The following HNRNPA1 variants were observed in gnomAD, a reference collection of about 807,000 sequenced individuals.
HNRNPA1 encodes the protein heterogeneous nuclear ribonucleoprotein A1, also known as epididymis secretory sperm binding protein.
HNRNPA1 carries 7 observed loss-of-function variants against 44.4 expected under a neutral mutation model. That is an observed-to-expected ratio of 0.16 (90% confidence interval 0.09 to 0.30). HNRNPA1 has a LOEUF of 0.30. HNRNPA1 is among the 10% of genes least tolerant of loss of function. The pLI, the probability that HNRNPA1 is intolerant of heterozygous loss-of-function variation, is 1.00. For synonymous variants in HNRNPA1, 169 were observed against 160.6 expected, an observed-to-expected ratio of 1.05 and a Z score of -0.40; for missense variants, 193 against 465.8, an observed-to-expected ratio of 0.41 and a Z score of 5.39.
chr12:54,285,205 C>T lies in HNRNPA1; in HGVS notation c.*661C>T, dbSNP rs918514512. On this transcript the variant is annotated 3_prime_UTR_variant, in exon 11 of 11. Transcript: ENST00000340913. ...ATAGATGGGAATGAAGCTTGTGTAT[C>T]CATTATCATGTGTAATCAATAAACG... 6.5e-6 allele frequency: 1 copy of T among 153,424 alleles called. No individual in the cohort carries two copies. Among genetic ancestry groups the T allele is most frequent in the Non-Finnish European group, 1.5e-5 (1 of 68,654 alleles). The allele number at this position is 153,424 out of a possible 1,614,324, so 9.5% of individuals were successfully genotyped here.
rs750976913 is a variant in HNRNPA1, at chr12:54,280,856, TC to T, written c.15+36del. ...GGCGCGCTTTCCCACTTGAATTTTTTCCTCTCCCTTTCCTGAATCGGTAAGA... is the reference window on the plus strand; with the variant it reads ...GGCGCGCTTTCCCACTTGAATTTTTTCTCTCCCTTTCCTGAATCGGTAAGA... On this transcript the variant is annotated intron_variant, in intron 1 of 10. Transcript: ENST00000340913. The T allele has an allele frequency of 2.5e-6, 4 of 1,612,666 alleles. No homozygotes were observed. The East Asian group carries it at 8.9e-5, about 36-fold the overall frequency.
At position 54,284,221 on chromosome 12, in the gene HNRNPA1, CACTTTGAA is replaced by C. The variant is rs775172584; in HGVS notation, c.1064-31_1064-24del. On this transcript the variant is annotated intron_variant, in intron 9 of 10. Coordinates refer to ENST00000340913, the MANE Select transcript of HNRNPA1 (RefSeq NM_031157.4). ...CCAAATATGAAAACATTACTGTTGG[CACTTTGAA>C]ACTTTAAAAGAAAAATTGTACTTTT... The C allele has an allele frequency of 4.5e-4, 725 of 1,596,938 alleles. No individual in the cohort carries two copies. The highest frequency in any genetic ancestry group is 5.7e-4 in the Admixed American group (34 of 59,460).
chr12:54,284,350 T>C, intron 10 of HNRNPA1, 33 bp downstream of exon 10: 1 of 1,581,676 alleles, frequency 6.3e-7, no homozygotes, highest in Non-Finnish European at 8.7e-7. Context: ...GTTGACATAA[T>C]TTTTTAAATT....
At position 54,280,771 on chromosome 12, in the gene HNRNPA1, A is replaced by G. The variant is rs1266613216; in HGVS notation, c.-37A>G. On this transcript the variant is annotated 5_prime_UTR_variant, in exon 1 of 11. Transcript: ENST00000340913. ...TCCTTTCTGCCCGTGGACGCCGCCG[A>G]AGAAGCATCGTTAAAGTCTCTCTTC... is the stretch of plus-strand genomic sequence containing the variant. The G allele has an allele frequency of 1.9e-6, 3 of 1,614,048 alleles. No homozygotes were observed. Among genetic ancestry groups the G allele is most frequent in the South Asian group, 2.2e-5 (2 of 91,080 alleles).
intron 2 of HNRNPA1, 146 bp downstream of exon 2, chr12:54,281,648 A>C: frequency 9.6e-7 from 1 of 1,039,980 alleles, no homozygotes; most frequent in Non-Finnish European, 1.4e-6. Context: ...TGATTTTAAA[A>C]GCTACCTCTT....
chr12:54,282,498 G>T lies in HNRNPA1; in HGVS notation c.583+12G>T, dbSNP rs531397589. On this transcript the variant is annotated intron_variant, in intron 5 of 10. Coordinates refer to ENST00000340913, the MANE Select transcript of HNRNPA1 (RefSeq NM_031157.4). ...ATCCAGCCAAAGAGGTATGCTTGTT[G>T]CTTAATTAAACCTTAAAGGTAACTT... 2.2e-4 allele frequency: 353 copies of T among 1,612,338 alleles called. 1 individual carries two copies. In the African/African-American group the frequency reaches 4.3e-3, roughly 20 times the overall value.
chr12:54,280,901 C>T (rs566917706), intron 1 of HNRNPA1, 79 bp downstream of exon 1: 26 of 1,480,152 alleles, frequency 1.8e-5, no homozygotes, highest in South Asian at 7.9e-5. Flanking sequence ...GGTTTCGTTC[C>T]TTGCACCAGC....
chr12:54,282,513 A>T, intron 5 of HNRNPA1, 27 bp downstream of exon 5: 2 of 1,610,502 alleles, frequency 1.2e-6, no homozygotes, highest in Non-Finnish European at 1.7e-6. Flanking sequence ...ATTAAACCTT[A>T]AAGGTAACTT....
At chr12:54,281,218 C>G (rs1236185882) in intron 1 of HNRNPA1, 168 bp from the exon 2 acceptor site, 2 of 705,104 alleles carry the variant, frequency 2.8e-6, no homozygotes, top group Non-Finnish European at 5.2e-6. Flanking sequence ...TCCTAGCACT[C>G]CCAACTCCAG....
At chr12:54,282,708 C>T (rs1394362600) in intron 6 of HNRNPA1, 43 bp downstream of exon 6, 9 of 1,594,858 alleles carry the variant, frequency 5.6e-6, no homozygotes, top group South Asian at 1.1e-5. Context: ...TTCTCACCAT[C>T]TTTGCTATGA....
In HNRNPA1 at chr12:54,285,980, T is replaced by A. The variant is rs1410000749; in HGVS notation, c.*1436T>A. The stretch of plus-strand genomic sequence containing the variant: ...TGGAACCCTAACTATTGAGGGAGTT[T>A]GCAGATACCTCAGGATTCGTGACAA... On this transcript the variant is annotated 3_prime_UTR_variant, in exon 11 of 11. Coordinates refer to ENST00000340913, the MANE Select transcript of HNRNPA1 (RefSeq NM_031157.4). 1 of 152,110 alleles carries A rather than the reference T, an allele frequency of 6.6e-6. No individual in the cohort carries two copies. Among genetic ancestry groups the A allele is most frequent in the Non-Finnish European group, 1.5e-5 (1 of 68,036 alleles). The allele number at this position is 152,110 out of a possible 1,614,324, so 9.4% of individuals were successfully genotyped here. A position where few individuals can be genotyped will look rare whatever the true frequency, so the allele number is the denominator to read the frequency against.
rs1592170378 is a variant in HNRNPA1 at position 54,281,260 on chromosome 12, T to A, written c.16-126T>A. 6 of 727,564 alleles carry A rather than the reference T, an allele frequency of 8.2e-6. No homozygotes were observed. In the East Asian group the frequency reaches 1.2e-4, roughly 15 times the overall value. 45.1% of individuals were successfully genotyped at this position (727,564 alleles called of 1,614,324 possible). On this transcript the variant is annotated intron_variant, in intron 1 of 10. Coordinates refer to ENST00000340913, the MANE Select transcript of HNRNPA1 (RefSeq NM_031157.4). ...GCCTCCCTTGATAGGCAGAAGCACG[T>A]GTCTTGTTGCGACCTGAACGAACAA...
chr12:54,280,802 G>A lies in HNRNPA1; in HGVS notation c.-6G>A, dbSNP rs773016629. On this transcript the variant is annotated 5_prime_UTR_variant, in exon 1 of 11. Coordinates refer to ENST00000340913, the MANE Select transcript of HNRNPA1 (RefSeq NM_031157.4). Reference sequence around the variant, plus strand: ...CATCGTTAAAGTCTCTCTTCACCCTGCCGTCATGTCTAAGTCAGAGGTGAG... The same window carrying A: ...CATCGTTAAAGTCTCTCTTCACCCTACCGTCATGTCTAAGTCAGAGGTGAG... The A allele has an allele frequency of 1.2e-6, 2 of 1,614,178 alleles. No homozygotes were observed. The highest frequency in any genetic ancestry group is 1.7e-6 in the Non-Finnish European group (2 of 1,180,006).
In HNRNPA1 at chr12:54,282,795, T is replaced by C; in HGVS notation, c.677-5T>C. On this transcript the variant is annotated splice_region_variant and splice_polypyrimidine_tract_variant and intron_variant, in intron 6 of 10. Coordinates refer to ENST00000340913, the MANE Select transcript of HNRNPA1 (RefSeq NM_031157.4). Reference sequence around the variant, plus strand: ...ATACTTAAAACTTGAAACTTTTTCTTACAGGTGGCTTTGGTGGCAGCCGTG... The same window carrying C: ...ATACTTAAAACTTGAAACTTTTTCTCACAGGTGGCTTTGGTGGCAGCCGTG... 1.3e-6 allele frequency: 2 copies of C among 1,553,670 alleles called. No homozygotes were observed. Among genetic ancestry groups the C allele is most frequent in the Non-Finnish European group, 1.7e-6 (2 of 1,147,842 alleles).
At chr12:54,282,540 G>C in intron 5 of HNRNPA1, 33 bp from the exon 6 acceptor site, 1 of 1,610,602 alleles carries the variant, frequency 6.2e-7, no homozygotes, top group South Asian at 1.1e-5. Context: ...ACTCCAGTAT[G>C]AATGATTTAA....
At chr12:54,283,044 C>G (rs760530149) in intron 7 of HNRNPA1, 35 bp from the exon 8 acceptor site, 1 of 1,606,716 alleles carries the variant, frequency 6.2e-7, no homozygotes, top group South Asian at 1.1e-5. Context: ...TTGTCAAATA[C>G]TTTTGTCTTA....
intron 10 of HNRNPA1, 57 bp downstream of exon 10, chr12:54,284,374 A>G (rs1374203368): frequency 1.0e-4 from 143 of 1,394,078 alleles, no homozygotes; most frequent in East Asian, 2.3e-5. Flanking sequence ...GATGAACCCA[A>G]TAACCCTAAT....
chr12:54,282,982 A>C, intron 7 of HNRNPA1, 97 bp from the exon 8 acceptor site: 2 of 1,499,392 alleles, frequency 1.3e-6, no homozygotes, highest in Non-Finnish European at 1.8e-6. Context: ...CTTTGCCCAT[A>C]ACACGCATGC....
In HNRNPA1 at chr12:54,286,108, T is replaced by TTG. The variant is rs1367214840; in HGVS notation, c.*1567_*1568dup. On this transcript the variant is annotated 3_prime_UTR_variant, in exon 11 of 11. Coordinates refer to ENST00000340913, the MANE Select transcript of HNRNPA1 (RefSeq NM_031157.4). ...ACACTCTACAGCTGAGAGTAGACAC[T>TTG]TGTGGTATGTGGAGTACAGATAAGC... 2.0e-5 allele frequency: 3 copies of TTG among 152,078 alleles called. No homozygotes were observed. The highest frequency in any genetic ancestry group is 7.3e-5 in the African/African-American group (3 of 41,376). The allele number at this position is 152,078 out of a possible 1,614,324, so 9.4% of individuals were successfully genotyped here.
Sources: gnomAD v4.1 joint callset for allele counts on GRCh38, gnomAD v4.1.1 for gene constraint, MANE v1.5 for transcripts, NCBI Gene and HGNC (gene_info 2026-07-23, HGNC 2026-07-21) for gene names.